The following OGDH variants were observed in gnomAD, a reference collection of about 807,000 sequenced individuals.
OGDH encodes 2-oxoglutarate dehydrogenase complex component E1.
In OGDH, 38 loss-of-function variants were observed where a neutral mutation model predicts 116.6. That is an observed-to-expected ratio of 0.33 (90% CI 0.25 to 0.43). The LOEUF (loss-of-function observed/expected upper bound fraction) is 0.43, where lower values mean the gene tolerates loss of function less well. OGDH is among the 20% of genes least tolerant of loss of function. The probability of loss-of-function intolerance (pLI) is 1.00; values close to 1 mark genes in which losing one functional copy is unlikely to be tolerated. For missense variants in OGDH, 825 were observed against 1,357.2 expected (o/e 0.61, Z 6.16); for synonymous variants, 488 against 533.3 (o/e 0.92, Z 1.17).
chr7:44,614,230 G>A (rs1470201587), intron 1 of OGDH, among the ~76,000 whole-genome samples: 3 of 148,062 alleles, frequency 2.0e-5, no homozygotes, highest in Non-Finnish European at 3.0e-5. Flanking sequence ...GGGATTACAG[G>A]CCTTTTTTTT....
intron 4 of OGDH, among the ~76,000 whole-genome samples, chr7:44,660,862 A>G (rs1201643961): frequency 6.6e-6 from 1 of 152,118 alleles, no homozygotes. Context: ...CAGAAGTTTA[A>G]GGCTGCAGTG....
intron 2 of OGDH, among the ~76,000 whole-genome samples, chr7:44,637,882 T>C (rs929870195): frequency 1.3e-5 from 2 of 152,080 alleles, no homozygotes; most frequent in East Asian, 3.9e-4. Context: ...CTGACACTCT[T>C]AGGAAAATGT....
chr7:44,676,093 G>A lies in OGDH; in HGVS notation c.1150G>A (p.Val384Met). ...CCACCTTGAGGCCGCTGACCCCGTG[G>A]TGATGGGCAAGACCAAAGCCGAACA... is the stretch of plus-strand genomic sequence containing the variant. ...PSHLEAADPVVMGKTKAEQFY... is the reference protein window; with the variant it reads ...PSHLEAADPVMMGKTKAEQFY... The change falls in exon 9 of 23, where the codon GTG becomes ATG. Residue 384 changes from valine to methionine, a missense_variant. Val to Met is a conservative substitution (Grantham distance 21). Transcript: ENST00000222673. 1 of 1,614,058 alleles carries A rather than the reference G, an allele frequency of 6.2e-7. No homozygotes were observed. Among genetic ancestry groups the A allele is most frequent in the Non-Finnish European group, 8.5e-7 (1 of 1,180,018 alleles).
intron 10 of OGDH, among the ~76,000 whole-genome samples, chr7:44,687,910 T>G (rs1292974266): frequency 6.6e-6 from 1 of 152,158 alleles, no homozygotes; most frequent in Admixed American, 6.5e-5. Context: ...CTTAGTTATC[T>G]TACTCCTACC....
Position 44,676,113 on chromosome 7 carries a change from C to T in OGDH, c.1170C>T (p.Ala390=), listed in dbSNP as rs746300309. 7.4e-6 allele frequency: 12 copies of T among 1,613,866 alleles called. No homozygotes were observed. Among genetic ancestry groups the T allele is most frequent in the South Asian group, 3.3e-5 (3 of 91,082 alleles). ...CCGTGGTGATGGGCAAGACCAAAGC[C>T]GAACAGTTTTACTGTGGCGACACTG... ...ADPVVMGKTK[A]EQFYCGDTEG... is the part of the protein sequence containing the mutation. The change falls in exon 9 of 23, where the codon GCC becomes GCT. Residue 390 remains alanine, a synonymous_variant. Transcript: ENST00000222673.
At chr7:44,645,569 G>A (rs1202601918) in intron 3 of OGDH, 51 bp downstream of exon 3, 2 of 1,568,534 alleles carry the variant, frequency 1.3e-6, no homozygotes, top group Non-Finnish European at 1.7e-6. Flanking sequence ...TGTTCCTTAG[G>A]TCATGCCTCA....
chr7:44,641,532 G>T (rs17179235), intron 2 of OGDH, among the ~76,000 whole-genome samples: 1,884 of 152,216 alleles, frequency 0.012, 15 homozygotes, highest in South Asian at 0.029. Context: ...GGCCTGATTA[G>T]GTTTTACGTG....
intron 2 of OGDH, among the ~76,000 whole-genome samples, chr7:44,637,543 C>T (rs1785725889): frequency 6.6e-6 from 1 of 152,322 alleles, no homozygotes; most frequent in African/African-American, 2.4e-5. Context: ...AGCATCGTGC[C>T]TCACACCTGT....
intron 1 of OGDH, among the ~76,000 whole-genome samples, chr7:44,607,012 G>A (rs940825877): frequency 6.6e-6 from 1 of 152,180 alleles, no homozygotes; most frequent in Admixed American, 6.5e-5. Context: ...GTCCGCAGGG[G>A]TGACCCCCAA....
intron 1 of OGDH, among the ~76,000 whole-genome samples, chr7:44,609,465 G>A (rs1336328992): frequency 2.7e-5 from 4 of 149,694 alleles, no homozygotes; most frequent in Non-Finnish European, 5.9e-5. Context: ...AGCCGAGATC[G>A]CGCCACTGCA....
At position 44,701,751 on chromosome 7, in the gene OGDH, C is replaced by A. The variant is rs1030583503; in HGVS notation, c.2632+136C>A. 2.7e-5 allele frequency: 22 copies of A among 830,100 alleles called. No homozygotes were observed. In the East Asian group the frequency reaches 5.8e-4, roughly 22 times the overall value. 51.4% of individuals were successfully genotyped at this position (830,100 alleles called of 1,614,324 possible). On this transcript the variant is annotated intron_variant, in intron 20 of 22. Coordinates refer to ENST00000222673, the MANE Select transcript of OGDH (RefSeq NM_002541.4). ...TGCCAGATTTTTGGTTGTAAAGACCCGTGATACATGGCTGGGCACAGTGGC... is the reference window on the plus strand; with the variant it reads ...TGCCAGATTTTTGGTTGTAAAGACCAGTGATACATGGCTGGGCACAGTGGC...
chr7:44,707,038 TAAC>T lies in OGDH; in HGVS notation c.2633-186_2633-184del, dbSNP rs1419059740. Among the ~76,000 whole-genome samples, 1 of 152,198 alleles carries T rather than the reference TAAC, an allele frequency of 6.6e-6. No individual in the cohort carries two copies. The highest frequency in any genetic ancestry group is 2.4e-5 in the African/African-American group (1 of 41,448). ...ATGTCTGCTGTGTATTTGTTACACG[TAAC>T]GTGCTTTTCAAAGTGTGCCTGGTCT... On this transcript the variant is annotated intron_variant, in intron 20 of 22. Coordinates refer to ENST00000222673, the MANE Select transcript of OGDH (RefSeq NM_002541.4). The surrounding 1 kb of genome is among the most constrained non-coding windows in gnomAD (Gnocchi z 5.2).
intron 2 of OGDH, among the ~76,000 whole-genome samples, chr7:44,643,144 G>A (rs1427095986): frequency 6.6e-6 from 1 of 150,780 alleles, no homozygotes; most frequent in African/African-American, 2.4e-5. Context: ...ACCATTCAGT[G>A]GAGTTTTGTT....
At chr7:44,653,305 C>G (rs905275379) in intron 4 of OGDH, among the ~76,000 whole-genome samples, 1 of 152,108 alleles carries the variant, frequency 6.6e-6, no homozygotes, top group African/African-American at 2.4e-5. Flanking sequence ...GTTGGTCAGG[C>G]TGGCCTTGAA....
chr7:44,666,928 A>AT, intron 5 of OGDH, 77 bp downstream of exon 5: 25 of 830,580 alleles, frequency 3.0e-5, no homozygotes, highest in Non-Finnish European at 3.6e-5. Context: ...GACTAGTTTT[A>AT]TTTTTTTTCT....
intron 2 of OGDH, among the ~76,000 whole-genome samples, chr7:44,637,530 C>T (rs1016713928): frequency 1.3e-5 from 2 of 152,180 alleles, no homozygotes; most frequent in Non-Finnish European, 2.9e-5. Context: ...TATTCATTGG[C>T]TCAGCATCGT....
intron 1 of OGDH, among the ~76,000 whole-genome samples, chr7:44,613,680 G>A (rs1020928967): frequency 9.9e-5 from 15 of 151,510 alleles, no homozygotes; most frequent in Admixed American, 3.3e-4. Flanking sequence ...ATTTTTAGTC[G>A]AGATGGGGTT....
At chr7:44,616,276 A>G (rs1004397727) in intron 1 of OGDH, among the ~76,000 whole-genome samples, 2 of 152,146 alleles carry the variant, frequency 1.3e-5, no homozygotes, top group African/African-American at 4.8e-5. Context: ...CTATTTATCT[A>G]CACCCTCCCC....
At chr7:44,627,826 G>A (rs569453384) in intron 2 of OGDH, among the ~76,000 whole-genome samples, 1 of 151,884 alleles carries the variant, frequency 6.6e-6, no homozygotes, top group African/African-American at 2.4e-5. Flanking sequence ...ACAGATACGC[G>A]CCACCACGCC....
Sources: gnomAD v4.1 joint callset for allele counts (sites outside exome capture counted in the v4.1 genomes callset) on GRCh38, gnomAD v4.1.1 for gene constraint, Gnocchi (gnomAD v3.1) non-coding constraint, MANE v1.5 for transcripts, NCBI Gene and HGNC (gene_info 2026-07-23, HGNC 2026-07-21) for gene names.